Variants in FRYL observed in about 807,000 individuals in gnomAD.
FRYL encodes protein furry homolog-like.
FRYL carries 150 observed loss-of-function variants against 351.2 expected under a neutral mutation model. The ratio of observed to expected loss-of-function variants is 0.43; its 90% confidence interval spans 0.37 to 0.49. FRYL has a LOEUF of 0.49. Among genes scored for constraint, FRYL ranks in the 20% least tolerant of loss-of-function variants. FRYL has a pLI of 0.00. For missense variants in FRYL, 3,036 were observed against 3,619.3 expected, an observed-to-expected ratio of 0.84 and a Z score of 4.13; for synonymous variants, 1,153 against 1,257.1, an observed-to-expected ratio of 0.92 and a Z score of 1.75.
At position 48,501,823 on chromosome 4, in the gene FRYL, G is replaced by A. The variant is rs188789022; in HGVS notation, c.8482-90C>T. On this transcript the variant is annotated intron_variant, in intron 61 of 63. Transcript: ENST00000358350. ...AATTTATAGTTAAAATTGTCTTGTC[G>A]TTTATTTTTCTGCAGTAAGGAAGTT... 375 of 844,118 alleles carry A rather than the reference G, an allele frequency of 4.4e-4. 1 individual carries two copies. The African/African-American group carries it at 4.5e-3, about 10-fold the overall frequency. 52.3% of individuals were successfully genotyped at this position (844,118 alleles called of 1,614,324 possible).
rs746750595 is a variant in FRYL at position 48,544,012 on chromosome 4, G to C, written c.5402-15C>G. The C allele has an allele frequency of 3.1e-6, 5 of 1,610,910 alleles. No homozygotes were observed. Among genetic ancestry groups the C allele is most frequent in the African/African-American group, 1.3e-5 (1 of 74,936 alleles). On this transcript the variant is annotated splice_polypyrimidine_tract_variant and intron_variant, in intron 43 of 63. Transcript: ENST00000358350. ...ATGAATTCCTTCTGTGAATGCAAAG[G>C]AAACGAGTAGGTTGTTCTTGTTCTT...
intron 15 of FRYL, 110 bp downstream of exon 15, chr4:48,595,480 T>A: frequency 1.8e-6 from 1 of 554,720 alleles, no homozygotes; most frequent in Non-Finnish European, 3.2e-6. Context: ...ACTTATTCAA[T>A]GTTGTATTAC....
At chr4:48,521,683 T>C (rs1483330298) in intron 54 of FRYL, among the ~76,000 whole-genome samples, 3 of 152,320 alleles carry the variant, frequency 2.0e-5, no homozygotes, top group South Asian at 2.1e-4. Flanking sequence ...AGGAGAGTTA[T>C]GGTAACTAAT....
intron 3 of FRYL, among the ~76,000 whole-genome samples, chr4:48,680,238 A>G (rs902729089): frequency 1.3e-5 from 2 of 151,982 alleles, no homozygotes; most frequent in Non-Finnish European, 2.9e-5. Flanking sequence ...AGGTACAGCT[A>G]TTTACTCCCT....
intron 2 of FRYL, among the ~76,000 whole-genome samples, chr4:48,695,989 G>A (rs1209265294): frequency 6.6e-6 from 1 of 152,074 alleles, no homozygotes; most frequent in South Asian, 2.1e-4. Flanking sequence ...ACCATCTCAC[G>A]CCAGTCACAA....
intron 57 of FRYL, among the ~76,000 whole-genome samples, chr4:48,511,247 AG>A (rs1401075272): frequency 2.0e-5 from 3 of 152,152 alleles, no homozygotes; most frequent in Non-Finnish European, 4.4e-5. Flanking sequence ...TTTTTTCATC[AG>A]GGGGCAGACA....
chr4:48,632,458 T>C (rs1379470841), intron 4 of FRYL, among the ~76,000 whole-genome samples: 1 of 150,746 alleles, frequency 6.6e-6, no homozygotes, highest in Non-Finnish European at 1.5e-5. Flanking sequence ...ATTTTGTAGT[T>C]TAAGCATATC....
intron 59 of FRYL, among the ~76,000 whole-genome samples, chr4:48,507,366 C>T (rs1486282985): frequency 6.6e-6 from 1 of 152,170 alleles, no homozygotes; most frequent in East Asian, 1.9e-4. Flanking sequence ...ATCAGTCTTC[C>T]TGTCACGGCA....
intron 4 of FRYL, among the ~76,000 whole-genome samples, chr4:48,625,555 A>T (rs1751617303): frequency 6.6e-6 from 1 of 152,208 alleles, no homozygotes; most frequent in South Asian, 2.1e-4. Flanking sequence ...TATAGCAACT[A>T]TTTCTATAGC....
intron 1 of FRYL, among the ~76,000 whole-genome samples, chr4:48,763,827 C>T (rs1315896607): frequency 2.6e-5 from 4 of 152,058 alleles, no homozygotes; most frequent in Non-Finnish European, 5.9e-5. Context: ...CGTATATAAT[C>T]TTATATATAG....
chr4:48,509,987 A>G, intron 59 of FRYL, 72 bp downstream of exon 59: 1 of 984,884 alleles, frequency 1.0e-6, no homozygotes, highest in South Asian at 1.3e-5. Context: ...TGTCTGGGCT[A>G]TTCTGCTGCC....
At chr4:48,751,252 A>C (rs1033684264) in intron 1 of FRYL, among the ~76,000 whole-genome samples, 1 of 152,170 alleles carries the variant, frequency 6.6e-6, no homozygotes, top group African/African-American at 2.4e-5. Context: ...CCTCTATTCT[A>C]TGAAAAAAAA....
In FRYL at chr4:48,500,154, C is replaced by T. The variant is rs540707705; in HGVS notation, c.8659G>A (p.Glu2887Lys). The T allele has an allele frequency of 2.1e-5, 34 of 1,606,538 alleles. No individual in the cohort carries two copies. The highest frequency in any genetic ancestry group is 7.0e-5 in the Admixed American group (4 of 57,474). ...SILKEAESASENEEIDISKAA... is the reference protein window; with the variant it reads ...SILKEAESASKNEEIDISKAA... ...TTGGAAATGTCAATTTCTTCGTTTT[C>T]GGAAGCGGACTCAGCTTCTTTGAGG... The change falls in exon 63 of 64, where the codon GAA becomes AAA. Residue 2887 changes from glutamate (E) to lysine (K), a missense_variant. By Grantham distance (56) the Glu-to-Lys change is moderately conservative. Around this residue, in one of 7 missense-constraint regions of FRYL, gnomAD observed 1,987 missense variants for 2,311.7 expected, o/e 0.86. Transcript: ENST00000358350.
chr4:48,684,734 T>G lies in FRYL; in HGVS notation c.-142A>C, dbSNP rs541242869. The G allele has an allele frequency of 6.6e-6, 1 of 152,294 alleles. No individual in the cohort carries two copies. Among genetic ancestry groups the G allele is most frequent in the Admixed American group, 6.5e-5 (1 of 15,296 alleles). The allele number at this position is 152,294 out of a possible 1,614,324, so 9.4% of individuals were successfully genotyped here. A position where few individuals can be genotyped will look rare whatever the true frequency, so the allele number is the denominator to read the frequency against. ...ATCATCTAATCCTATGACTCTTGAGTGGTTTCAGGAATTAAGCATTTAGAT... is the reference window on the plus strand; with the variant it reads ...ATCATCTAATCCTATGACTCTTGAGGGGTTTCAGGAATTAAGCATTTAGAT... On this transcript the variant is annotated 5_prime_UTR_variant, in exon 3 of 64. Transcript: ENST00000358350.
At chr4:48,514,466 G>C (rs1285704161) in intron 56 of FRYL, among the ~76,000 whole-genome samples, 2 of 152,090 alleles carry the variant, frequency 1.3e-5, no homozygotes, top group African/African-American at 4.8e-5. Flanking sequence ...GTTAGTCCTT[G>C]AGTAAAGAAA....
chr4:48,637,418 T>C (rs1754458585), intron 3 of FRYL: 1 of 152,108 alleles, frequency 6.6e-6, no homozygotes, highest in Admixed American at 6.6e-5. Context: ...ATAACTAGAC[T>C]AACTTGGTAT....
intron 2 of FRYL, among the ~76,000 whole-genome samples, chr4:48,687,795 C>T (rs1765300921): frequency 6.6e-6 from 1 of 151,962 alleles, no homozygotes; most frequent in African/African-American, 2.4e-5. Context: ...GTCTGTATGC[C>T]GGGAATACTC....
chr4:48,711,959 GT>G (rs1466054015), intron 1 of FRYL, among the ~76,000 whole-genome samples: 1 of 152,202 alleles, frequency 6.6e-6, no homozygotes, highest in Non-Finnish European at 1.5e-5. Context: ...GGCAAACAGG[GT>G]CTGGAGTGGA....
chr4:48,717,379 A>T (rs748169422), intron 1 of FRYL, among the ~76,000 whole-genome samples: 4 of 151,686 alleles, frequency 2.6e-5, no homozygotes, highest in Non-Finnish European at 5.9e-5. Context: ...AGACAAATCT[A>T]ACAAAGAGAA....
Sources: allele counts gnomAD v4.1 joint callset (sites outside exome capture counted in the v4.1 genomes callset), GRCh38; gene constraint gnomAD v4.1.1; regional missense constraint gnomAD v4.1.1; transcripts MANE v1.5; gene names NCBI Gene and HGNC (gene_info 2026-07-23, HGNC 2026-07-21).